Variants in RHCE observed in about 807,000 individuals in gnomAD.
RHCE encodes the protein Rh blood group CcEe antigens.
In RHCE, 22 loss-of-function variants were observed where a neutral mutation model predicts 43.8. That is an observed-to-expected ratio of 0.50 (90% CI 0.36 to 0.72). RHCE has a LOEUF of 0.72. RHCE is among the 30% of genes least tolerant of loss of function. The pLI, the probability that RHCE is intolerant of heterozygous loss-of-function variation, is 0.00. For missense variants in RHCE, 385 were observed against 525.4 expected, an observed-to-expected ratio of 0.73 and a Z score of 2.61; for synonymous variants, 156 against 210.7, an observed-to-expected ratio of 0.74 and a Z score of 2.25.
At chr1:25,394,916 C>T (rs1285373027) in intron 3 of RHCE, among the ~76,000 whole-genome samples, 1 of 151,442 alleles carries the variant, frequency 6.6e-6, no homozygotes, top group African/African-American at 2.4e-5. Context: ...CCCGAGCCCT[C>T]CTGCTGAAGA....
At chr1:25,392,410 C>T (rs532870977) in intron 3 of RHCE, among the ~76,000 whole-genome samples, 8 of 152,062 alleles carry the variant, frequency 5.3e-5, no homozygotes, top group Admixed American at 2.0e-4. Flanking sequence ...TACAGGCATG[C>T]GCCACTACGC....
At chr1:25,394,254 G>T (rs187318458) in intron 3 of RHCE, among the ~76,000 whole-genome samples, 40 of 152,166 alleles carry the variant, frequency 2.6e-4, no homozygotes, top group African/African-American at 9.4e-4. Context: ...CTCCCAAAGC[G>T]CTGGGATTAC....
At chr1:25,413,031 AAG>A (rs776605620) in intron 1 of RHCE, among the ~76,000 whole-genome samples, 2 of 150,454 alleles carry the variant, frequency 1.3e-5, no homozygotes, top group East Asian at 3.9e-4. Context: ...CTCAAAAAAA[AAG>A]AGAGATGAGG....
In RHCE at chr1:25,402,752, G is replaced by A; in HGVS notation, c.336-6C>T. On this transcript the variant is annotated splice_polypyrimidine_tract_variant and splice_region_variant and intron_variant, in intron 2 of 9. Transcript: ENST00000294413. Reference sequence around the variant, plus strand: ...TCATGGTGGCCAGCCGAATACTGGGGGTGAGAAGGAGAGCCAGGATGACTG... The same window carrying A: ...TCATGGTGGCCAGCCGAATACTGGGAGTGAGAAGGAGAGCCAGGATGACTG... 1 of 1,614,136 alleles carries A rather than the reference G, an allele frequency of 6.2e-7. No individual in the cohort carries two copies. Among genetic ancestry groups the A allele is most frequent in the Non-Finnish European group, 8.5e-7 (1 of 1,180,018 alleles).
chr1:25,402,190 G>GTCTT, intron 3 of RHCE, among the ~76,000 whole-genome samples: 1 of 133,472 alleles, frequency 7.5e-6, no homozygotes, highest in South Asian at 2.3e-4. Context: ...CTGTCTGTCT[G>GTCTT]TCTGTCTGTC....
At chr1:25,391,018 C>T in intron 4 of RHCE, 103 bp from the exon 5 acceptor site, 1 of 1,529,822 alleles carries the variant, frequency 6.5e-7, no homozygotes, top group Non-Finnish European at 9.0e-7. Flanking sequence ...GAGTCTCAGC[C>T]TTGTCACTTA....
At chr1:25,419,458 G>A (rs1309101710) in intron 1 of RHCE, among the ~76,000 whole-genome samples, 1 of 151,994 alleles carries the variant, frequency 6.6e-6, no homozygotes, top group African/African-American at 2.4e-5. Flanking sequence ...ATGGCCCCCA[G>A]GATGACTTCT....
chr1:25,395,452 G>A (rs1208750015), intron 3 of RHCE, among the ~76,000 whole-genome samples: 3 of 152,224 alleles, frequency 2.0e-5, no homozygotes, highest in Admixed American at 6.5e-5. Flanking sequence ...TGGGATCTCA[G>A]TGGCTTCTCA....
chr1:25,402,271 G>A (rs1646777974), intron 3 of RHCE, among the ~76,000 whole-genome samples: 1 of 149,370 alleles, frequency 6.7e-6, no homozygotes, highest in Non-Finnish European at 1.5e-5. Flanking sequence ...TAGAGATGAG[G>A]TCTTGCTATA....
intron 7 of RHCE, among the ~76,000 whole-genome samples, chr1:25,384,688 G>C (rs201433752): frequency 1.4e-4 from 21 of 152,088 alleles, no homozygotes; most frequent in Non-Finnish European, 7.3e-5. Flanking sequence ...TCCAAGAACC[G>C]GAAGGAACCC....
chr1:25,385,927 G>A (rs1467161072), intron 6 of RHCE, 83 bp from the exon 7 acceptor site: 24 of 1,606,676 alleles, frequency 1.5e-5, no homozygotes, highest in African/African-American at 5.4e-5. Context: ...CTTGGTATCC[G>A]GCGCCACCAA....
At chr1:25,398,993 G>C in intron 3 of RHCE, 2 of 1,269,094 alleles carry the variant, frequency 1.6e-6, no homozygotes, top group East Asian at 2.3e-5. Flanking sequence ...GCTCTGCGAC[G>C]GACTATTCCC....
At chr1:25,408,901 G>A in intron 1 of RHCE, 32 bp from the exon 2 acceptor site, 1 of 1,262,658 alleles carries the variant, frequency 7.9e-7, no homozygotes. Flanking sequence ...AGAAGGAGGA[G>A]GGGGAAGCAG....
intron 1 of RHCE, among the ~76,000 whole-genome samples, chr1:25,411,970 T>C (rs937219535): frequency 1.3e-5 from 2 of 152,204 alleles, no homozygotes; most frequent in Non-Finnish European, 1.5e-5. Flanking sequence ...ATTCTTCCAT[T>C]TTCCTCTCAT....
At chr1:25,397,494 T>A (rs1279339866) in intron 3 of RHCE, among the ~76,000 whole-genome samples, 1 of 136,386 alleles carries the variant, frequency 7.3e-6, no homozygotes, top group African/African-American at 2.7e-5. Flanking sequence ...CGAAACTCCA[T>A]CTGAAAAAAA....
chr1:25,393,296 T>C (rs370328465), intron 3 of RHCE, among the ~76,000 whole-genome samples: 2 of 152,048 alleles, frequency 1.3e-5, no homozygotes, highest in African/African-American at 4.8e-5. Context: ...TGCGGACTGT[T>C]CTCCACACAG....
At chr1:25,379,489 ATATATATTTTTTTTTTTTT>A (rs1212022762) in intron 7 of RHCE, among the ~76,000 whole-genome samples, 133 of 19,602 alleles carry the variant, frequency 6.8e-3, no homozygotes, top group South Asian at 7.8e-3. Context: ...ATATATATAT[ATATATATTTTTTTTTTTTT>A]TTTTTTTTTT....
At chr1:25,392,512 C>T (rs1451464983) in intron 3 of RHCE, among the ~76,000 whole-genome samples, 7 of 151,208 alleles carry the variant, frequency 4.6e-5, no homozygotes, top group South Asian at 2.1e-4. Context: ...CCACCCGCCT[C>T]GGCCTCCCAA....
intron 1 of RHCE, among the ~76,000 whole-genome samples, chr1:25,416,694 G>A (rs1420883990): frequency 6.6e-6 from 1 of 151,604 alleles, no homozygotes; most frequent in East Asian, 1.9e-4. Context: ...CCGTCCCACT[G>A]CAGCCTCAAG....
Sources: gnomAD v4.1 joint callset for allele counts (sites outside exome capture counted in the v4.1 genomes callset) on GRCh38, gnomAD v4.1.1 for gene constraint, MANE v1.5 for transcripts, NCBI Gene and HGNC (gene_info 2026-07-23, HGNC 2026-07-21) for gene names.